The following SLC8A1 variants were observed in gnomAD, a reference collection of about 807,000 sequenced individuals.
The protein encoded by SLC8A1 is solute carrier family 8 member A1, also known as sodium/calcium exchanger 1.
Under a neutral mutation model 68.3 loss-of-function variants are expected in SLC8A1, and 18 were observed. The observed-to-expected ratio is 0.26, with a 90% CI of 0.18 to 0.39. The LOEUF (loss-of-function observed/expected upper bound fraction) is 0.39. SLC8A1 is among the 10% of genes least tolerant of loss of function. SLC8A1 has a pLI of 1.00. For missense variants in SLC8A1, 985 were observed against 1,156.7 expected, an observed-to-expected ratio of 0.85 and a Z score of 2.15; for synonymous variants, 475 against 415.5, an observed-to-expected ratio of 1.14 and a Z score of -1.74.
chr2:40,139,301 TG>T, intron 7 of SLC8A1, 99 bp downstream of exon 10: 1 of 1,343,850 alleles, frequency 7.4e-7, no homozygotes, highest in Non-Finnish European at 1.0e-6. Context: ...TCATAGGTCT[TG>T]GTTTGTTATC....
intron 1 of SLC8A1, among the ~76,000 whole-genome samples, chr2:40,511,932 G>A (rs1388353494): frequency 6.6e-6 from 1 of 152,130 alleles, no homozygotes; most frequent in African/African-American, 2.4e-5. Context: ...ACACATGCGA[G>A]TTTTTGCTGG....
rs372036518 is a variant in SLC8A1 at position 40,291,282 on chromosome 2, TTCAA to T, written c.1809-113431_1809-113428del. Among the ~76,000 whole-genome samples, 358 of 152,280 alleles carry T rather than the reference TTCAA, an allele frequency of 2.4e-3. 4 individuals carry two copies. Among genetic ancestry groups the T allele is most frequent in the African/African-American group, 8.1e-3 (336 of 41,578 alleles). ...ATATTGAGAAGGCTTGTCCAAAGTG[TTCAA>T]TCAGTGATTTTGAGTTTATGGAAGT... On this transcript the variant is annotated intron_variant, in intron 2 of 7. Coordinates refer to ENST00000406785, the Ensembl canonical transcript of SLC8A1.
intron 2 of SLC8A1, among the ~76,000 whole-genome samples, chr2:40,377,269 G>A (rs977498499): frequency 1.8e-4 from 27 of 151,926 alleles, no homozygotes; most frequent in Non-Finnish European, 3.5e-4. Flanking sequence ...CTATGGATTC[G>A]AGAAAGTGAA....
At chr2:40,454,002 C>G (rs1331549463), upstream of SLC8A1, among the ~76,000 whole-genome samples, 2 of 152,210 alleles carry the variant, frequency 1.3e-5, no homozygotes, top group African/African-American at 4.8e-5. Flanking sequence ...CTACTTTCCA[C>G]ACCAACTTGG....
At chr2:40,411,613 G>A (rs1353299198) in intron 2 of SLC8A1, among the ~76,000 whole-genome samples, 1 of 151,664 alleles carries the variant, frequency 6.6e-6, no homozygotes, top group Non-Finnish European at 1.5e-5. Context: ...CAAAAACAAT[G>A]TCAAAACAAA....
intron 2 of SLC8A1, among the ~76,000 whole-genome samples, chr2:40,362,855 C>T (rs76568908): frequency 0.02 from 2,995 of 152,202 alleles, 97 homozygotes; most frequent in African/African-American, 0.068. Context: ...TGAACTTGTA[C>T]TTCTGTGGAT....
At chr2:40,346,338 G>A (rs1274146948) in intron 2 of SLC8A1, among the ~76,000 whole-genome samples, 5 of 152,136 alleles carry the variant, frequency 3.3e-5, no homozygotes, top group African/African-American at 1.2e-4. Context: ...TGAGAAAACG[G>A]ACTTGAATCC....
chr2:40,397,961 C>T (rs1687513705), intron 2 of SLC8A1, among the ~76,000 whole-genome samples: 1 of 152,152 alleles, frequency 6.6e-6, no homozygotes, highest in Non-Finnish European at 1.5e-5. Context: ...TGAACTTACA[C>T]ATTAAACAGC....
chr2:40,266,970 C>T (rs993509691), intron 2 of SLC8A1, among the ~76,000 whole-genome samples: 6 of 152,084 alleles, frequency 3.9e-5, no homozygotes, highest in Non-Finnish European at 7.4e-5. Context: ...ACTGGATGTA[C>T]AGGTAAATGA....
chr2:40,363,438 C>G (rs893509908), intron 2 of SLC8A1, among the ~76,000 whole-genome samples: 1 of 152,034 alleles, frequency 6.6e-6, no homozygotes, highest in Non-Finnish European at 1.5e-5. Context: ...AGCTACAAAA[C>G]AGACCTCCAA....
intron 2 of SLC8A1, among the ~76,000 whole-genome samples, chr2:40,417,063 GTTAT>G (rs546255530): frequency 2.2e-4 from 34 of 152,190 alleles, no homozygotes; most frequent in Non-Finnish European, 4.3e-4. Flanking sequence ...AATGTCTTAG[GTTAT>G]TGATATTTGA....
intron 4 of SLC8A1, among the ~76,000 whole-genome samples, chr2:40,172,565 G>A (rs1420419692): frequency 6.6e-6 from 1 of 152,076 alleles, no homozygotes; most frequent in Non-Finnish European, 1.5e-5. Context: ...ATGTAAAGAA[G>A]TTCTGAGAAA....
At chr2:40,495,773 G>T in intron 1 of SLC8A1, among the ~76,000 whole-genome samples, 1 of 152,014 alleles carries the variant, frequency 6.6e-6, no homozygotes, top group East Asian at 1.9e-4. Flanking sequence ...GGAACTTGTA[G>T]CCAGGACTCA....
intron 2 of SLC8A1, among the ~76,000 whole-genome samples, chr2:40,305,010 A>C (rs1283489305): frequency 1.3e-5 from 2 of 152,202 alleles, no homozygotes; most frequent in East Asian, 3.8e-4. Flanking sequence ...TGTTAAAATG[A>C]GGATTCTGAC....
intron 2 of SLC8A1, among the ~76,000 whole-genome samples, chr2:40,218,888 G>A (rs2057898868): frequency 6.6e-6 from 1 of 152,188 alleles, no homozygotes. Context: ...CAGTGCCCTG[G>A]CTGTGTGCCC....
rs13401306 is a variant in SLC8A1, at chr2:40,413,289, A to G, written c.1808+15184T>C. ...AGGTTTATAAATCATGCTGCTATAAAGACACATGCACACATATGTTTATTG... is the reference window on the plus strand; with the variant it reads ...AGGTTTATAAATCATGCTGCTATAAGGACACATGCACACATATGTTTATTG... On this transcript the variant is annotated intron_variant, in intron 2 of 7. Transcript: ENST00000406785. Among the ~76,000 whole-genome samples, 339 of 152,342 alleles carry G rather than the reference A, an allele frequency of 2.2e-3. 2 individuals carry two copies. Among genetic ancestry groups the G allele is most frequent in the African/African-American group, 8.0e-3 (333 of 41,586 alleles).
intron 2 of SLC8A1, among the ~76,000 whole-genome samples, chr2:40,231,028 C>G (rs1385125689): frequency 2.0e-5 from 3 of 152,146 alleles, no homozygotes; most frequent in Non-Finnish European, 4.4e-5. Context: ...TTTTAGTGAC[C>G]TGCCACCTCT....
At chr2:40,154,413 C>G (rs1377190553) in intron 6 of SLC8A1, among the ~76,000 whole-genome samples, 1 of 149,448 alleles carries the variant, frequency 6.7e-6, no homozygotes, top group African/African-American at 2.5e-5. Flanking sequence ...ATGGCATTCT[C>G]CCGCCTCAGC....
intron 2 of SLC8A1, among the ~76,000 whole-genome samples, chr2:40,305,777 C>G (rs886699757): frequency 6.6e-6 from 1 of 152,128 alleles, no homozygotes; most frequent in African/African-American, 2.4e-5. Context: ...AAAGAAGCCT[C>G]CTTATTTTTT....
Sources: allele counts gnomAD v4.1 joint callset (sites outside exome capture counted in the v4.1 genomes callset), GRCh38; gene constraint gnomAD v4.1.1; transcripts MANE v1.5; gene names NCBI Gene and HGNC (gene_info 2026-07-23, HGNC 2026-07-21).